Variants in LRP1B observed in about 807,000 individuals in gnomAD.
The protein encoded by LRP1B is LDL receptor related protein 1B.
In LRP1B, 217 loss-of-function variants were observed where a neutral mutation model predicts 556.6. That is an observed-to-expected ratio of 0.39 (90% CI 0.35 to 0.44). The LOEUF (loss-of-function observed/expected upper bound fraction) is 0.44, where lower values mean the gene tolerates loss of function less well. Ranked by LOEUF, LRP1B falls within the 20% of genes least tolerant of loss-of-function variation. LRP1B has a pLI of 1.00. For missense variants in LRP1B, 5,053 were observed against 5,620.8 expected, an observed-to-expected ratio of 0.90 and a Z score of 3.23; for synonymous variants, 2,047 against 1,865.8, an observed-to-expected ratio of 1.10 and a Z score of -2.50.
chr2:141,095,490 A>C (rs921581986), intron 7 of LRP1B, among the ~76,000 whole-genome samples: 2 of 48,392 alleles, frequency 4.1e-5, no homozygotes, highest in African/African-American at 9.8e-5. Flanking sequence ...CCTAGAATTT[A>C]ATTTTTTTTT....
chr2:140,871,851 C>A (rs759865541), intron 25 of LRP1B, among the ~76,000 whole-genome samples: 10 of 151,940 alleles, frequency 6.6e-5, no homozygotes, highest in Non-Finnish European at 1.2e-4. Context: ...TTGTTTGATA[C>A]TTGGTACTTC....
At chr2:141,598,669 T>C (rs1480883540) in intron 2 of LRP1B, among the ~76,000 whole-genome samples, 1 of 152,142 alleles carries the variant, frequency 6.6e-6, no homozygotes, top group African/African-American at 2.4e-5. Flanking sequence ...AATAATTGAC[T>C]AATGAACTTA....
intron 3 of LRP1B, among the ~76,000 whole-genome samples, chr2:141,411,774 C>T (rs1331064615): frequency 6.6e-6 from 1 of 151,882 alleles, no homozygotes; most frequent in East Asian, 1.9e-4. Context: ...GAATATAAAG[C>T]ATTGCTGATA....
intron 84 of LRP1B, among the ~76,000 whole-genome samples, chr2:140,282,999 G>A (rs1682979295): frequency 6.6e-6 from 1 of 151,684 alleles, no homozygotes; most frequent in Admixed American, 6.6e-5. Flanking sequence ...TTTCGGATGA[G>A]GACATTTGAA....
At chr2:140,330,319 A>T (rs1459927361) in intron 79 of LRP1B, among the ~76,000 whole-genome samples, 1 of 151,684 alleles carries the variant, frequency 6.6e-6, no homozygotes, top group Non-Finnish European at 1.5e-5. Flanking sequence ...ACATTACCTG[A>T]CTTCAAACTA....
intron 1 of LRP1B, among the ~76,000 whole-genome samples, chr2:141,943,153 T>A (rs564861591): frequency 1.3e-5 from 2 of 152,330 alleles, no homozygotes; most frequent in South Asian, 4.1e-4. Flanking sequence ...AAATGCTGTA[T>A]TAAATTTGAA....
At chr2:141,421,188 T>G (rs139558781) in intron 3 of LRP1B, among the ~76,000 whole-genome samples, 1 of 152,190 alleles carries the variant, frequency 6.6e-6, no homozygotes, top group Non-Finnish European at 1.5e-5. Flanking sequence ...CTGATATCGC[T>G]TCTGGAGTTT....
chr2:141,045,093 A>G (rs1698827931), intron 11 of LRP1B, among the ~76,000 whole-genome samples: 2 of 122,816 alleles, frequency 1.6e-5, no homozygotes, highest in Admixed American at 1.6e-4. Context: ...TGCAGCCATA[A>G]AAAATGATGA....
At chr2:141,234,829 G>C (rs369539373) in intron 5 of LRP1B, among the ~76,000 whole-genome samples, 5 of 152,174 alleles carry the variant, frequency 3.3e-5, no homozygotes, top group Admixed American at 3.3e-4. Flanking sequence ...AAGTATTACA[G>C]TATTCAAATA....
intron 2 of LRP1B, among the ~76,000 whole-genome samples, chr2:141,534,455 A>G (rs1371663386): frequency 1.3e-5 from 2 of 152,210 alleles, no homozygotes; most frequent in East Asian, 1.9e-4. Context: ...AACTAACCCC[A>G]TGATAGAAGC....
intron 72 of LRP1B, among the ~76,000 whole-genome samples, chr2:140,359,457 T>G (rs1682404147): frequency 6.6e-6 from 1 of 151,728 alleles, no homozygotes; most frequent in Non-Finnish European, 1.5e-5. Flanking sequence ...GGCACATATA[T>G]GATCTTAGTT....
intron 25 of LRP1B, among the ~76,000 whole-genome samples, chr2:140,869,255 T>C (rs1693049608): frequency 6.6e-6 from 1 of 152,084 alleles, no homozygotes; most frequent in South Asian, 2.1e-4. Flanking sequence ...TTACTCCCTC[T>C]CTAGTATGCA....
chr2:141,867,354 T>C (rs562350006), intron 1 of LRP1B, among the ~76,000 whole-genome samples: 1 of 152,218 alleles, frequency 6.6e-6, no homozygotes, highest in Non-Finnish European at 1.5e-5. Flanking sequence ...TAGACCAGAA[T>C]TAATTTTTCT....
At chr2:141,751,384 T>A (rs1694105832) in intron 2 of LRP1B, among the ~76,000 whole-genome samples, 1 of 152,174 alleles carries the variant, frequency 6.6e-6, no homozygotes, top group African/African-American at 2.4e-5. Context: ...TTACTGTAGT[T>A]TTTTTAAAAT....
intron 10 of LRP1B, among the ~76,000 whole-genome samples, chr2:141,053,715 A>G (rs187078032): frequency 3.3e-5 from 5 of 151,986 alleles, no homozygotes; most frequent in Non-Finnish European, 5.9e-5. Context: ...ATGACTTTCA[A>G]TGTACTCCAG....
At chr2:141,246,519 A>T (rs1355416160) in intron 5 of LRP1B, among the ~76,000 whole-genome samples, 1 of 152,232 alleles carries the variant, frequency 6.6e-6, no homozygotes, top group Non-Finnish European at 1.5e-5. Context: ...TTTTAGTAGT[A>T]AATCACTTTA....
At position 140,416,724 on chromosome 2, in the gene LRP1B, G is replaced by A. The variant is rs146596913; in HGVS notation, c.10414+25780C>T. On this transcript the variant is annotated intron_variant, in intron 66 of 90. Coordinates refer to ENST00000389484, the MANE Select transcript of LRP1B (RefSeq NM_018557.3). The stretch of plus-strand genomic sequence containing the variant: ...GGTGGCAGGCTTTATAGTGGCAAGT[G>A]AATCCATGTACTTCAATTGCACAGC... 3.4e-3 allele frequency among the ~76,000 whole-genome samples: 519 copies of A among 151,746 alleles called. 4 individuals carry two copies. Among genetic ancestry groups the A allele is most frequent in the African/African-American group, 0.012 (502 of 41,398 alleles).
At chr2:141,231,742 C>T (rs1683481327) in intron 5 of LRP1B, among the ~76,000 whole-genome samples, 1 of 151,980 alleles carries the variant, frequency 6.6e-6, no homozygotes, top group Non-Finnish European at 1.5e-5. Context: ...AATGTATCTG[C>T]CATAAACCTC....
chr2:140,968,744 G>A (rs6724884), intron 18 of LRP1B, among the ~76,000 whole-genome samples: 2,430 of 152,100 alleles, frequency 0.016, 79 homozygotes, highest in East Asian at 0.14. Flanking sequence ...TGTTCTCATT[G>A]GTTTCAAAGA....
Sources: allele counts gnomAD v4.1 joint callset (sites outside exome capture counted in the v4.1 genomes callset), GRCh38; gene constraint gnomAD v4.1.1; transcripts MANE v1.5; gene names NCBI Gene and HGNC (gene_info 2026-07-23, HGNC 2026-07-21).